The following KCTD1 variants were observed in gnomAD, a reference collection of about 807,000 sequenced individuals.
KCTD1 encodes the protein BTB/POZ domain-containing protein KCTD1.
Under a neutral mutation model 66.0 loss-of-function variants are expected in KCTD1, and 24 were observed. The observed-to-expected ratio is 0.36, with a 90% confidence interval of 0.26 to 0.51. KCTD1 has a LOEUF of 0.51. Among genes scored for constraint, KCTD1 ranks in the 20% least tolerant of loss-of-function variants. The probability of loss-of-function intolerance (pLI) is 0.95; values close to 1 mark genes in which losing one functional copy is unlikely to be tolerated. For missense variants in KCTD1, 943 were observed against 1,205.2 expected (o/e 0.78, Z 3.22); for synonymous variants, 511 against 517.2 (o/e 0.99, Z 0.16).
At chr18:26,519,618 C>T (rs1420434166) in intron 1 of KCTD1, among the ~76,000 whole-genome samples, 2 of 152,166 alleles carry the variant, frequency 1.3e-5, no homozygotes, top group African/African-American at 4.8e-5. Context: ...AATTCCATCA[C>T]TGGAATTATT....
chr18:26,625,565 C>T (rs535889733), intron 1 of KCTD1, among the ~76,000 whole-genome samples: 2 of 152,184 alleles, frequency 1.3e-5, no homozygotes, highest in Non-Finnish European at 2.9e-5. Flanking sequence ...TTTCCTGAGG[C>T]TTCCCCAGCC....
chr18:26,572,185 G>A (rs945571298), intron 1 of KCTD1, among the ~76,000 whole-genome samples: 4 of 151,124 alleles, frequency 2.6e-5, no homozygotes, highest in Admixed American at 2.0e-4. Context: ...TCAGCCTCCC[G>A]AGTACCTGGG....
At chr18:26,570,191 A>ATATATAT (rs1555643816) in intron 1 of KCTD1, among the ~76,000 whole-genome samples, 2 of 132,550 alleles carry the variant, frequency 1.5e-5, no homozygotes, top group African/African-American at 5.3e-5. Context: ...ATCTAAAAAA[A>ATATATAT]ATATATATAT....
rs1985238213 is a variant in KCTD1 at position 26,546,716 on chromosome 18, T to C, written c.1809+12A>G. 6.5e-7 allele frequency: 1 copy of C among 1,541,586 alleles called. No homozygotes were observed. Among genetic ancestry groups the C allele is most frequent in the East Asian group, 2.4e-5 (1 of 40,854 alleles). On this transcript the variant is annotated intron_variant, in intron 1 of 4. Coordinates refer to ENST00000580059, the MANE Select transcript of KCTD1 (RefSeq NM_001142730.3). ...AAAGAAACATTTCATGCATAGAGTTTGGTTTGGTTACCTGGGTGGGGGAAA... is the reference window on the plus strand; with the variant it reads ...AAAGAAACATTTCATGCATAGAGTTCGGTTTGGTTACCTGGGTGGGGGAAA...
intron 4 of KCTD1, chr18:26,458,671 C>T (rs1237946015): frequency 6.6e-6 from 1 of 152,514 alleles, no homozygotes. Flanking sequence ...CTCTTGCTCC[C>T]CTACACTTCT....
At chr18:26,567,888 C>T (rs1253369429) in intron 1 of KCTD1, among the ~76,000 whole-genome samples, 3 of 152,146 alleles carry the variant, frequency 2.0e-5, no homozygotes, top group Non-Finnish European at 4.4e-5. Context: ...TCTCCACCTG[C>T]CCCCTCTCTT....
At chr18:26,500,874 A>C (rs1982723539) in intron 2 of KCTD1, among the ~76,000 whole-genome samples, 198 bp downstream of exon 2, 1 of 152,166 alleles carries the variant, frequency 6.6e-6, no homozygotes, top group Admixed American at 6.5e-5. Context: ...GGACTCAACT[A>C]AGCTGCGGGT....
At chr18:26,506,007 C>A (rs904440413) in intron 1 of KCTD1, among the ~76,000 whole-genome samples, 2 of 152,056 alleles carry the variant, frequency 1.3e-5, no homozygotes, top group Non-Finnish European at 2.9e-5. Context: ...TCCCGAGTAG[C>A]TGGGACTGCA....
At chr18:26,492,589 G>C (rs1325315999) in intron 2 of KCTD1, among the ~76,000 whole-genome samples, 1 of 150,814 alleles carries the variant, frequency 6.6e-6, no homozygotes, top group Admixed American at 6.6e-5. Flanking sequence ...CTGAGTGACA[G>C]AACAAGACAC....
upstream of KCTD1, chr18:26,549,051 G>C (rs1985429145): frequency 2.0e-5 from 20 of 985,182 alleles, no homozygotes; most frequent in Non-Finnish European, 2.3e-5. Context: ...GGCTGCGCCG[G>C]GCGGGCCGCG....
At chr18:26,491,460 C>T (rs919247581) in intron 2 of KCTD1, among the ~76,000 whole-genome samples, 12 of 152,194 alleles carry the variant, frequency 7.9e-5, no homozygotes, top group African/African-American at 1.2e-4. Context: ...TCAACTTTGT[C>T]CCTGGCTGCA....
intron 1 of KCTD1, among the ~76,000 whole-genome samples, chr18:26,532,281 TTTTTTTG>T (rs1291417944): frequency 9.7e-6 from 1 of 102,942 alleles, no homozygotes; most frequent in African/African-American, 3.3e-5. Context: ...TTTTTTTTTT[TTTTTTTG>T]AGACAGGGCC....
intron 1 of KCTD1, among the ~76,000 whole-genome samples, chr18:26,518,872 G>A (rs890791242): frequency 5.9e-5 from 9 of 152,034 alleles, no homozygotes; most frequent in Admixed American, 2.6e-4. Flanking sequence ...TCTGTTTTCC[G>A]GTGATTCTGA....
chr18:26,552,822 C>G (rs1162479187), upstream of KCTD1, among the ~76,000 whole-genome samples: 1 of 151,558 alleles, frequency 6.6e-6, no homozygotes, highest in Non-Finnish European at 1.5e-5. Flanking sequence ...AGAGCAGAGG[C>G]CAGAAAAAGC....
intron 1 of KCTD1, among the ~76,000 whole-genome samples, chr18:26,634,830 T>C (rs566239346): frequency 2.6e-5 from 4 of 152,298 alleles, no homozygotes; most frequent in African/African-American, 9.6e-5. Context: ...AGCTAGGAAT[T>C]GGCCAACCAT....
chr18:26,485,637 A>G (rs7244442), intron 2 of KCTD1, among the ~76,000 whole-genome samples: 97,998 of 151,872 alleles, frequency 0.65, 32,204 homozygotes, highest in Non-Finnish European at 0.7. Context: ...CCAATTTAGT[A>G]TTTTTTTCAG....
chr18:26,573,865 T>C lies in KCTD1; in HGVS notation c.-16+55282A>G, dbSNP rs538985747. ...TTTCACCTACAGACTGGGTTGGATG[T>C]GAAAGTCGTGAGAAGTTTTTGTGTT... On this transcript the variant is annotated intron_variant, in intron 1 of 4. Coordinates refer to the KCTD1 transcript ENST00000317932. 2.0e-5 allele frequency among the ~76,000 whole-genome samples: 3 copies of C among 152,354 alleles called. No individual in the cohort carries two copies. In the South Asian group the frequency reaches 6.2e-4, roughly 32 times the overall value.
chr18:26,652,080 G>A (rs1365236219), intron 1 of KCTD1, among the ~76,000 whole-genome samples: 1 of 152,166 alleles, frequency 6.6e-6, no homozygotes. Flanking sequence ...GATAAGGTGA[G>A]ACTGATATGG....
rs372364825 is a variant in KCTD1 at position 26,593,885 on chromosome 18, G to GAT, written c.-16+35261_-16+35262insAT. On this transcript the variant is annotated intron_variant, in intron 1 of 4. Transcript: ENST00000317932. ...AGAACAAGGAGGAAGAGGAAGATAA[G>GAT]GAGGAGGAGGAGGAAGATGAGGAGG... Among the ~76,000 whole-genome samples the GAT allele has an allele frequency of 7.1e-3, 641 of 90,620 alleles. 3 individuals carry two copies. The highest frequency in any genetic ancestry group is 0.027 in the Middle Eastern group (4 of 150). 59.5% of individuals were successfully genotyped at this position (90,620 alleles called of 152,430 possible). A position where few individuals can be genotyped will look rare whatever the true frequency, so the allele number is the denominator to read the frequency against.
Sources: allele counts gnomAD v4.1 joint callset (sites outside exome capture counted in the v4.1 genomes callset), GRCh38; gene constraint gnomAD v4.1.1; transcripts MANE v1.5; gene names NCBI Gene and HGNC (gene_info 2026-07-23, HGNC 2026-07-21).